Variants in ARHGEF6 observed in about 807,000 individuals in gnomAD.
ARHGEF6 encodes rho guanine nucleotide exchange factor 6.
Under a neutral mutation model 70.3 loss-of-function variants are expected in ARHGEF6, and 9 were observed. The observed-to-expected ratio is 0.13, with a 90% CI of 0.08 to 0.22. The LOEUF is 0.22. ARHGEF6 is among the 10% of genes least tolerant of loss of function. The pLI is 1.00. For synonymous variants in ARHGEF6, 201 were observed against 207.8 expected (o/e 0.97, Z 0.28); for missense variants, 470 against 563.0 (o/e 0.83, Z 1.67).
chrX:136,748,213 G>C (rs919169587), intron 2 of ARHGEF6, among the ~76,000 whole-genome samples: 2 of 111,677 alleles, frequency 1.8e-5, no homozygotes, highest in African/African-American at 6.5e-5. Flanking sequence ...GTTTGACCTT[G>C]CCCCTCTCAG....
chrX:136,698,719 C>T (rs984933100), intron 9 of ARHGEF6, among the ~76,000 whole-genome samples: 2 of 112,217 alleles, frequency 1.8e-5, no homozygotes, highest in Non-Finnish European at 3.8e-5. Flanking sequence ...CTAAGAGAAT[C>T]CTTTCTTAAA....
intron 12 of ARHGEF6, among the ~76,000 whole-genome samples, chrX:136,684,824 C>G (rs1352878672): frequency 8.9e-6 from 1 of 111,838 alleles, no homozygotes; most frequent in African/African-American, 3.3e-5. Flanking sequence ...GTGTTACCAC[C>G]GTCTTAGGGG....
chrX:136,727,395 TTC>T lies in ARHGEF6; in HGVS notation c.732+4705_732+4706del, dbSNP rs1188095168. Among the ~76,000 whole-genome samples, 505 of 53,531 alleles carry T rather than the reference TTC, an allele frequency of 9.4e-3. 7 individuals carry two copies. Among genetic ancestry groups the T allele is most frequent in the Middle Eastern group, 0.042 (5 of 118 alleles). 46.5% of individuals were successfully genotyped at this position (53,531 alleles called of 115,157 possible). ...TTTCTTTCTTTCTTTCTTTCTTTCT[TTC>T]TCTCTCTCTCTCTCTCTTTCTTTCT... On this transcript the variant is annotated intron_variant, in intron 6 of 21. Transcript: ENST00000250617.
At chrX:136,772,706 T>C (rs557792319) in intron 2 of ARHGEF6, among the ~76,000 whole-genome samples, 1 of 110,720 alleles carries the variant, frequency 9.0e-6, no homozygotes, top group African/African-American at 3.3e-5. Flanking sequence ...TACTTAAAAA[T>C]ACAAAAATTA....
intron 5 of ARHGEF6, among the ~76,000 whole-genome samples, chrX:136,741,579 C>T (rs2077043517): frequency 9.6e-6 from 1 of 103,745 alleles, no homozygotes; most frequent in Admixed American, 1.1e-4. Context: ...GTCTTAAAGT[C>T]GTAACTTTAG....
intron 6 of ARHGEF6, among the ~76,000 whole-genome samples, chrX:136,719,392 C>T (rs954468383): frequency 9.0e-6 from 1 of 111,450 alleles, no homozygotes; most frequent in Non-Finnish European, 1.9e-5. Context: ...GATTAAACAA[C>T]ACATCTCAAA....
intron 3 of ARHGEF6, among the ~76,000 whole-genome samples, chrX:136,747,008 T>C (rs1174191311): frequency 1.8e-5 from 2 of 111,681 alleles, no homozygotes; most frequent in Non-Finnish European, 3.8e-5. Context: ...ATACCTCTAG[T>C]GTGGTAGGTG....
At chrX:136,680,179 A>G (rs2076319078) in intron 15 of ARHGEF6, among the ~76,000 whole-genome samples, 1 of 112,769 alleles carries the variant, frequency 8.9e-6, no homozygotes, top group African/African-American at 3.2e-5. Context: ...GTATGTTAAC[A>G]AACAACACAG....
In ARHGEF6 at chrX:136,676,732, G is replaced by C. The variant is rs1166323288; in HGVS notation, c.1852-15C>G. 4 of 1,106,693 alleles carry C rather than the reference G, an allele frequency of 3.6e-6. No individual in the cohort carries two copies. The highest frequency in any genetic ancestry group is 5.0e-6 in the Non-Finnish European group (4 of 801,312). The allele number at this position is 1,106,693 out of a possible 1,213,427, so 91.2% of individuals were successfully genotyped here. On this transcript the variant is annotated splice_polypyrimidine_tract_variant and intron_variant, in intron 17 of 21. Transcript: ENST00000250617. ...TTACTAGACTCCTGTGAGGACAGAG[G>C]TTTCTTAATGAATTAAAATTCTCCC... is the stretch of plus-strand genomic sequence containing the variant.
intron 10 of ARHGEF6, 117 bp from the exon 11 acceptor site, chrX:136,688,108 A>T (rs2076423139): frequency 1.8e-6 from 1 of 554,961 alleles, no homozygotes; most frequent in East Asian, 3.4e-5. Flanking sequence ...TTGGGGGATG[A>T]TGGAACTGTT....
chrX:136,780,187 C>T (rs769544844), intron 1 of ARHGEF6, among the ~76,000 whole-genome samples: 2 of 111,782 alleles, frequency 1.8e-5, no homozygotes, highest in South Asian at 7.4e-4. Flanking sequence ...ACATTGCATT[C>T]GAAACATATA....
At chrX:136,717,887 G>A (rs1354631761) in intron 6 of ARHGEF6, among the ~76,000 whole-genome samples, 1 of 111,474 alleles carries the variant, frequency 9.0e-6, no homozygotes, top group Non-Finnish European at 1.9e-5. Context: ...TGAAAAAAGA[G>A]AAATGGAATC....
intron 9 of ARHGEF6, among the ~76,000 whole-genome samples, chrX:136,691,425 C>T (rs1310981409): frequency 8.9e-6 from 1 of 112,141 alleles, no homozygotes; most frequent in Non-Finnish European, 1.9e-5. Context: ...ATGTCTAATT[C>T]TAAGCCAGTG....
chrX:136,710,962 C>T (rs2076678571), intron 7 of ARHGEF6, among the ~76,000 whole-genome samples: 1 of 111,781 alleles, frequency 8.9e-6, no homozygotes, highest in Admixed American at 9.4e-5. Context: ...GATACCACCT[C>T]CGCCCAGCCA....
intron 10 of ARHGEF6, among the ~76,000 whole-genome samples, chrX:136,690,085 T>C (rs768393136): frequency 1.8e-5 from 2 of 112,117 alleles, no homozygotes; most frequent in Non-Finnish European, 3.8e-5. Flanking sequence ...TAATATTGTA[T>C]CCATCCATTA....
At chrX:136,745,882 C>G (rs2077090720) in intron 3 of ARHGEF6, among the ~76,000 whole-genome samples, 1 of 111,476 alleles carries the variant, frequency 9.0e-6, no homozygotes, top group Non-Finnish European at 1.9e-5. Flanking sequence ...AATCTTGATA[C>G]TAGAATAATT....
chrX:136,750,279 G>A (rs1056788983), intron 2 of ARHGEF6, among the ~76,000 whole-genome samples: 2 of 112,376 alleles, frequency 1.8e-5, no homozygotes, highest in African/African-American at 6.5e-5. Flanking sequence ...CAAAGCACTG[G>A]AACTTGTTAA....
chrX:136,759,596 C>T (rs956060115), intron 2 of ARHGEF6, among the ~76,000 whole-genome samples: 1 of 106,476 alleles, frequency 9.4e-6, no homozygotes, highest in African/African-American at 3.5e-5. Context: ...CACCACTGCA[C>T]TCCAGCCTGG....
intron 11 of ARHGEF6, among the ~76,000 whole-genome samples, chrX:136,686,611 T>C (rs868020222): frequency 1.3e-5 from 1 of 76,732 alleles, no homozygotes; most frequent in African/African-American, 6.5e-5. Flanking sequence ...TATATATATA[T>C]ATATATATAT....
Sources: gnomAD v4.1 joint callset for allele counts (sites outside exome capture counted in the v4.1 genomes callset) on GRCh38, gnomAD v4.1.1 for gene constraint, MANE v1.5 for transcripts, NCBI Gene and HGNC (gene_info 2026-07-23, HGNC 2026-07-21) for gene names.